The following PSMA1 variants were observed in gnomAD, a reference collection of about 807,000 sequenced individuals.
PSMA1 encodes proteasome subunit alpha type-1.
Under a neutral mutation model 38.4 loss-of-function variants are expected in PSMA1, and 3 were observed. That is an observed-to-expected ratio of 0.08 (90% CI 0.04 to 0.20). PSMA1 has a LOEUF of 0.20. PSMA1 is among the 10% of genes least tolerant of loss of function. The pLI, the probability that PSMA1 is intolerant of heterozygous loss-of-function variation, is 1.00. For synonymous variants in PSMA1, 101 were observed against 107.1 expected, an observed-to-expected ratio of 0.94 and a Z score of 0.35; for missense variants, 227 against 325.3, an observed-to-expected ratio of 0.70 and a Z score of 2.32.
chr11:14,541,629 T>A (rs1194199875), intron 2 of PSMA1, among the ~76,000 whole-genome samples: 1 of 152,232 alleles, frequency 6.6e-6, no homozygotes, highest in Admixed American at 6.5e-5. Context: ...ACATTCTTGA[T>A]ACCTTTTGGA....
chr11:14,506,111 G>C (rs1589975623), intron 9 of PSMA1, among the ~76,000 whole-genome samples: 1 of 152,276 alleles, frequency 6.6e-6, no homozygotes, highest in East Asian at 1.9e-4. Context: ...AAGATTTTTA[G>C]GAGTCAAAAG....
chr11:14,548,462 A>T (rs1322840869), intron 2 of PSMA1, among the ~76,000 whole-genome samples: 1 of 152,170 alleles, frequency 6.6e-6, no homozygotes, highest in Non-Finnish European at 1.5e-5. Context: ...ATACATATGT[A>T]TGTATATATA....
chr11:14,607,781 T>A (rs546312925), intron 2 of PSMA1, among the ~76,000 whole-genome samples: 2 of 152,316 alleles, frequency 1.3e-5, no homozygotes, highest in African/African-American at 2.4e-5. Context: ...ACCTGGCTGA[T>A]GGAAAATCCT....
intron 1 of PSMA1, among the ~76,000 whole-genome samples, chr11:14,640,427 C>G (rs1853184801): frequency 6.6e-6 from 1 of 152,220 alleles, no homozygotes; most frequent in African/African-American, 2.4e-5. Flanking sequence ...ATTTAATAGT[C>G]TATGTGCAGA....
intron 1 of PSMA1, 103 bp from the exon 2 acceptor site, chr11:14,519,144 G>A (rs1050616990): frequency 2.1e-6 from 2 of 964,980 alleles, no homozygotes; most frequent in African/African-American, 1.6e-5. Context: ...CAATGTTAAG[G>A]CACTCTGTTC....
At position 14,534,454 on chromosome 11, in the gene PSMA1, C is replaced by T. The variant is rs1353706142; in HGVS notation, c.22-15413G>A. Among the ~76,000 whole-genome samples the T allele has an allele frequency of 6.6e-6, 1 of 151,888 alleles. No homozygotes were observed. The highest frequency in any genetic ancestry group is 2.1e-4 in the South Asian group (1 of 4,810). On this transcript the variant is annotated intron_variant, in intron 2 of 10. Coordinates refer to the PSMA1 transcript ENST00000418988. The surrounding 1 kb of genome is among the most constrained non-coding windows in gnomAD (Gnocchi z 4.5). ...TGCTTTAAACTAGCCTTATCTGCACCCACTCCCACCTTTTTAAAATTTTAA... is the reference window on the plus strand; with the variant it reads ...TGCTTTAAACTAGCCTTATCTGCACTCACTCCCACCTTTTTAAAATTTTAA...
At chr11:14,626,327 C>T (rs1012860770) in intron 1 of PSMA1, among the ~76,000 whole-genome samples, 6 of 152,136 alleles carry the variant, frequency 3.9e-5, no homozygotes, top group African/African-American at 1.4e-4. Flanking sequence ...ACTGCCTAGT[C>T]AATTGTTTGA....
intron 2 of PSMA1, among the ~76,000 whole-genome samples, chr11:14,571,430 T>C (rs1852138636): frequency 6.6e-6 from 1 of 152,072 alleles, no homozygotes; most frequent in African/African-American, 2.4e-5. Context: ...GCTTCACAAG[T>C]GAAGGAGAAG....
chr11:14,610,750 G>A, intron 2 of PSMA1: 1 of 539,744 alleles, frequency 1.9e-6, no homozygotes, highest in Non-Finnish European at 3.3e-6. Context: ...CTTTCTTTTT[G>A]TGCCTATGAC....
At chr11:14,505,269 A>T in intron 9 of PSMA1, 21 bp from the exon 10 acceptor site, 1 of 1,601,882 alleles carries the variant, frequency 6.2e-7, no homozygotes, top group Non-Finnish European at 8.6e-7. Flanking sequence ...AAAGAAAAAA[A>T]GAAAATATGT....
intron 2 of PSMA1, among the ~76,000 whole-genome samples, chr11:14,569,239 G>T (rs111234094): frequency 3.3e-5 from 5 of 152,136 alleles, no homozygotes; most frequent in African/African-American, 1.2e-4. Context: ...TCTTCTGCTG[G>T]GGGGAGGTTC....
At chr11:14,600,985 A>C (rs1162785934) in intron 2 of PSMA1, among the ~76,000 whole-genome samples, 1 of 152,186 alleles carries the variant, frequency 6.6e-6, no homozygotes, top group Non-Finnish European at 1.5e-5. Flanking sequence ...AAAACCAAAT[A>C]TCTTGGAAGC....
chr11:14,590,511 G>A (rs575251266), intron 2 of PSMA1, among the ~76,000 whole-genome samples: 2 of 152,294 alleles, frequency 1.3e-5, no homozygotes, highest in South Asian at 2.1e-4. Flanking sequence ...AAAAAGATGA[G>A]ATGAGGAATG....
At chr11:14,627,189 G>A (rs893147663) in intron 1 of PSMA1, among the ~76,000 whole-genome samples, 1 of 152,118 alleles carries the variant, frequency 6.6e-6, no homozygotes, top group Non-Finnish European at 1.5e-5. Flanking sequence ...ACACACTGGG[G>A]TTAGGGTTTC....
At chr11:14,551,300 CA>C (rs970135779) in intron 2 of PSMA1, among the ~76,000 whole-genome samples, 11 of 152,010 alleles carry the variant, frequency 7.2e-5, no homozygotes, top group African/African-American at 2.7e-4. Flanking sequence ...AAGGCTAACC[CA>C]AAAGCAAAGA....
chr11:14,527,552 G>A (rs1851600775), intron 2 of PSMA1, among the ~76,000 whole-genome samples: 1 of 152,054 alleles, frequency 6.6e-6, no homozygotes, highest in African/African-American at 2.4e-5. Context: ...GGATTGTTCA[G>A]GCCCCTTCCC....
intron 2 of PSMA1, among the ~76,000 whole-genome samples, chr11:14,538,182 A>C (rs1412339508): frequency 6.6e-6 from 1 of 152,126 alleles, no homozygotes; most frequent in Non-Finnish European, 1.5e-5. Context: ...AGTCTAGTGA[A>C]TCTGGTCTAC....
chr11:14,630,132 T>A (rs1286919895), intron 1 of PSMA1, among the ~76,000 whole-genome samples: 1 of 152,158 alleles, frequency 6.6e-6, no homozygotes, highest in African/African-American at 2.4e-5. Flanking sequence ...TGACTTCCTC[T>A]TTTCCTAATT....
intron 1 of PSMA1, among the ~76,000 whole-genome samples, chr11:14,640,640 ATTG>A (rs199601699): frequency 0.026 from 3,894 of 152,344 alleles, 189 homozygotes; most frequent in Admixed American, 0.13. Flanking sequence ...GAACATAGGT[ATTG>A]TTAACATACT....
Sources: gnomAD v4.1 joint callset for allele counts (sites outside exome capture counted in the v4.1 genomes callset) on GRCh38, gnomAD v4.1.1 for gene constraint, Gnocchi (gnomAD v3.1) non-coding constraint, MANE v1.5 for transcripts, NCBI Gene and HGNC (gene_info 2026-07-23, HGNC 2026-07-21) for gene names.